The following GMPS variants were observed in gnomAD, a reference collection of about 807,000 sequenced individuals.
The protein encoded by GMPS is GMP synthase [glutamine-hydrolyzing].
GMPS carries 15 observed loss-of-function variants against 77.9 expected under a neutral mutation model. The observed-to-expected ratio is 0.19, with a 90% confidence interval of 0.13 to 0.30. The LOEUF (loss-of-function observed/expected upper bound fraction) is 0.30, where lower values mean the gene tolerates loss of function less well. Among genes scored for constraint, GMPS ranks in the 10% least tolerant of loss-of-function variants. The pLI is 1.00. For synonymous variants in GMPS, 224 were observed against 275.9 expected (o/e 0.81, Z 1.86); for missense variants, 590 against 838.8 (o/e 0.70, Z 3.66).
intron 13 of GMPS, 111 bp from the exon 14 acceptor site, chr3:155,934,805 G>A: frequency 1.4e-6 from 1 of 703,190 alleles, no homozygotes; most frequent in Non-Finnish European, 2.4e-6. Context: ...CTGAAACTAA[G>A]TGGGAAATGG....
At chr3:155,870,942 G>C in intron 1 of GMPS, 45 bp downstream of exon 1, 1 of 1,426,720 alleles carries the variant, frequency 7.0e-7, no homozygotes, top group Non-Finnish European at 9.2e-7. Flanking sequence ...GCGGAGGCGA[G>C]GCTCCCGGAC....
chr3:155,908,754 T>A (rs1339231051), intron 5 of GMPS, among the ~76,000 whole-genome samples: 2 of 152,158 alleles, frequency 1.3e-5, no homozygotes, highest in Non-Finnish European at 2.9e-5. Flanking sequence ...GGAGTTTGAG[T>A]TTGCATATTA....
At chr3:155,928,240 T>C (rs150874177) in intron 12 of GMPS, among the ~76,000 whole-genome samples, 365 of 151,616 alleles carry the variant, frequency 2.4e-3, no homozygotes, top group Middle Eastern at 6.8e-3. Context: ...TTGCCCAGGT[T>C]GGTCTCGAAC....
At chr3:155,891,487 G>A (rs964384103) in intron 1 of GMPS, among the ~76,000 whole-genome samples, 3 of 152,062 alleles carry the variant, frequency 2.0e-5, no homozygotes, top group African/African-American at 7.2e-5. Context: ...ACTTTTCTAC[G>A]GTATTGAATA....
At chr3:155,887,229 A>G (rs1754358498) in intron 1 of GMPS, among the ~76,000 whole-genome samples, 2 of 152,188 alleles carry the variant, frequency 1.3e-5, no homozygotes, top group South Asian at 2.1e-4. Flanking sequence ...TGAACAGTCT[A>G]AGGGGAAGTC....
In GMPS at chr3:155,906,154, G is replaced by C. The variant is rs541755893; in HGVS notation, c.423-6G>C. 6.5e-7 allele frequency: 1 copy of C among 1,542,598 alleles called. No homozygotes were observed. Among genetic ancestry groups the C allele is most frequent in the Non-Finnish European group, 8.9e-7 (1 of 1,126,040 alleles). ...TATTTGTGTGTTTTATTTTTTGTATGTTTAGGGGCCTTCAGAAGGAAGAAG... is the reference window on the plus strand; with the variant it reads ...TATTTGTGTGTTTTATTTTTTGTATCTTTAGGGGCCTTCAGAAGGAAGAAG... On this transcript the variant is annotated splice_region_variant and splice_polypyrimidine_tract_variant and intron_variant, in intron 4 of 15. Coordinates refer to ENST00000496455, the MANE Select transcript of GMPS (RefSeq NM_003875.3).
At chr3:155,897,584 G>T (rs1754632608) in intron 2 of GMPS, among the ~76,000 whole-genome samples, 1 of 152,152 alleles carries the variant, frequency 6.6e-6, no homozygotes, top group South Asian at 2.1e-4. Context: ...ACCATCTCTA[G>T]AATTCTTACG....
intron 3 of GMPS, among the ~76,000 whole-genome samples, chr3:155,898,449 A>G (rs1186209834): frequency 6.6e-6 from 1 of 152,196 alleles, no homozygotes; most frequent in Non-Finnish European, 1.5e-5. Flanking sequence ...CTGCATAACC[A>G]CAGTACAACT....
At chr3:155,928,072 G>T (rs916051120) in intron 12 of GMPS, among the ~76,000 whole-genome samples, 29 of 133,382 alleles carry the variant, frequency 2.2e-4, no homozygotes, top group Non-Finnish European at 2.7e-4. Flanking sequence ...TGTCACCCAG[G>T]CTGGAGCACA....
intron 1 of GMPS, among the ~76,000 whole-genome samples, chr3:155,878,488 A>G (rs912148288): frequency 6.6e-6 from 1 of 152,196 alleles, no homozygotes; most frequent in Admixed American, 6.5e-5. Context: ...TATCTAGACA[A>G]AAGTTTTCAT....
chr3:155,933,296 G>A (rs932543167), intron 13 of GMPS, among the ~76,000 whole-genome samples: 3 of 152,088 alleles, frequency 2.0e-5, no homozygotes, highest in Admixed American at 6.6e-5. Flanking sequence ...CCTGTTTGCC[G>A]GTTTTTTTCC....
At chr3:155,907,312 C>T (rs375159603) in intron 5 of GMPS, among the ~76,000 whole-genome samples, 8 of 152,238 alleles carry the variant, frequency 5.3e-5, no homozygotes, top group Admixed American at 2.6e-4. Flanking sequence ...AGGCCAGGTG[C>T]GGTGGCTCTC....
At chr3:155,896,363 C>G (rs1754603661) in intron 2 of GMPS, among the ~76,000 whole-genome samples, 1 of 152,098 alleles carries the variant, frequency 6.6e-6, no homozygotes, top group African/African-American at 2.4e-5. Context: ...AGGGGTAACC[C>G]CATCCCCCTT....
Position 155,942,101 on chromosome 3 carries a change from G to GTT in GMPS, c.*4418_*4419dup, listed in dbSNP as rs377473624. The GTT allele has an allele frequency of 0.01, 1,911 of 183,720 alleles. 52 individuals are homozygous for GTT. Among genetic ancestry groups the GTT allele is most frequent in the African/African-American group, 0.043 (1,813 of 41,916 alleles). 11.4% of individuals were successfully genotyped at this position (183,720 alleles called of 1,614,324 possible). ...ACTCAAGCATTTACAGTTTTGTTTT[G>GTT]TTTTTTTTTTAAGACAGAGTCTCGC... On this transcript the variant is annotated 3_prime_UTR_variant, in exon 16 of 16. Coordinates refer to ENST00000496455, the MANE Select transcript of GMPS (RefSeq NM_003875.3).
chr3:155,895,994 G>GT (rs796390950), intron 2 of GMPS, among the ~76,000 whole-genome samples: 30 of 150,360 alleles, frequency 2.0e-4, no homozygotes, highest in African/African-American at 6.1e-4. Flanking sequence ...TTTAGCTTCT[G>GT]TTTTTTTTGT....
chr3:155,929,688 A>G (rs1377920170), intron 12 of GMPS, among the ~76,000 whole-genome samples: 6 of 122,306 alleles, frequency 4.9e-5, no homozygotes, highest in South Asian at 7.0e-4. Context: ...AAATCAATGT[A>G]CAAAAATCAC....
chr3:155,897,509 G>T (rs1469193134), intron 2 of GMPS, among the ~76,000 whole-genome samples: 2 of 152,050 alleles, frequency 1.3e-5, no homozygotes, highest in African/African-American at 4.8e-5. Flanking sequence ...AGCCATCCAG[G>T]GCCTTCATAA....
At chr3:155,905,232 C>T (rs984224675) in intron 4 of GMPS, among the ~76,000 whole-genome samples, 1 of 151,854 alleles carries the variant, frequency 6.6e-6, no homozygotes, top group Non-Finnish European at 1.5e-5. Flanking sequence ...CTTGAACTCC[C>T]GATCTCAGGT....
In GMPS at chr3:155,928,090, G is replaced by A. The variant is rs1179513878; in HGVS notation, c.1560+2724G>A. 3.9e-4 allele frequency among the ~76,000 whole-genome samples: 46 copies of A among 118,628 alleles called. No homozygotes were observed. In the Admixed American group the frequency reaches 5.4e-3, roughly 14 times the overall value. 77.8% of individuals were successfully genotyped at this position (118,628 alleles called of 152,430 possible). ...CACCCAGGCTGGAGCACAGTGGCTTGATCTCAGCTCATGGCAACCTCCACC... is the reference window on the plus strand; with the variant it reads ...CACCCAGGCTGGAGCACAGTGGCTTAATCTCAGCTCATGGCAACCTCCACC... On this transcript the variant is annotated intron_variant, in intron 12 of 15. Transcript: ENST00000496455.
Sources: allele counts gnomAD v4.1 joint callset (sites outside exome capture counted in the v4.1 genomes callset), GRCh38; gene constraint gnomAD v4.1.1; transcripts MANE v1.5; gene names NCBI Gene and HGNC (gene_info 2026-07-23, HGNC 2026-07-21).